The following DPYD variants were observed in gnomAD, a reference collection of about 807,000 sequenced individuals.
The protein encoded by DPYD is dihydropyrimidine dehydrogenase, also known as dihydropyrimidine dehydrogenase [NADP(+)].
In DPYD, 109 loss-of-function variants were observed where a neutral mutation model predicts 116.2. The observed-to-expected ratio is 0.94, with a 90% confidence interval of 0.80 to 1.10. The LOEUF (loss-of-function observed/expected upper bound fraction) is 1.10. Among genes scored for constraint, DPYD ranks in the 50% least tolerant of loss-of-function variants. The probability of loss-of-function intolerance (pLI) is 0.00; values close to 1 mark genes in which losing one functional copy is unlikely to be tolerated. For missense variants in DPYD, 1,302 were observed against 1,254.5 expected, an observed-to-expected ratio of 1.04 and a Z score of -0.57; for synonymous variants, 440 against 432.0, an observed-to-expected ratio of 1.02 and a Z score of -0.23.
intron 5 of DPYD, among the ~76,000 whole-genome samples, chr1:97,704,469 T>C (rs1661787974): frequency 6.6e-6 from 1 of 152,024 alleles, no homozygotes; most frequent in Non-Finnish European, 1.5e-5. Flanking sequence ...AATAAAAGTT[T>C]ACAAAAGTTA....
chr1:97,707,847 G>A (rs1399494891), intron 5 of DPYD, among the ~76,000 whole-genome samples: 2 of 151,888 alleles, frequency 1.3e-5, no homozygotes, highest in Admixed American at 1.3e-4. Flanking sequence ...TTTTTTAAAT[G>A]GGTTGTTTTC....
chr1:97,822,548 T>C (rs1179771900), intron 3 of DPYD, among the ~76,000 whole-genome samples: 1 of 151,900 alleles, frequency 6.6e-6, no homozygotes, highest in Non-Finnish European at 1.5e-5. Context: ...ATATTATGCA[T>C]AATTTCTATG....
chr1:97,089,133 G>A (rs556887921), intron 21 of DPYD, among the ~76,000 whole-genome samples: 39 of 152,274 alleles, frequency 2.6e-4, no homozygotes, highest in African/African-American at 9.4e-4. Flanking sequence ...TCTCTTACTA[G>A]AAGCAGCAGG....
intron 8 of DPYD, among the ~76,000 whole-genome samples, chr1:97,673,540 C>G (rs1659984608): frequency 6.6e-6 from 1 of 152,162 alleles, no homozygotes; most frequent in East Asian, 1.9e-4. Flanking sequence ...GTACCCGCCA[C>G]TTTGCTAGGC....
At chr1:97,762,195 A>C (rs1330086163) in intron 3 of DPYD, among the ~76,000 whole-genome samples, 1 of 152,200 alleles carries the variant, frequency 6.6e-6, no homozygotes, top group Non-Finnish European at 1.5e-5. Context: ...ATTGAAATGA[A>C]AAAGTAAAAG....
intron 20 of DPYD, among the ~76,000 whole-genome samples, chr1:97,129,354 C>T (rs1653099489): frequency 6.6e-6 from 1 of 152,042 alleles, no homozygotes; most frequent in African/African-American, 2.4e-5. Flanking sequence ...GTGTGAGCCA[C>T]CACACCCGGT....
rs996229874 is a variant in DPYD at position 97,912,748 on chromosome 1, C to T, written c.39+8136G>A. ...ACAGGAATGAACATTTTGTGGTGAA[C>T]GGTAACACACGTTACCCCTAGAGAT... On this transcript the variant is annotated intron_variant, in intron 1 of 22. Coordinates refer to ENST00000370192, the MANE Select transcript of DPYD (RefSeq NM_000110.4). Among the ~76,000 whole-genome samples, 3 of 152,102 alleles carry T rather than the reference C, an allele frequency of 2.0e-5. No individual in the cohort carries two copies. The East Asian group carries it at 5.8e-4, about 29-fold the overall frequency.
intron 13 of DPYD, among the ~76,000 whole-genome samples, chr1:97,463,105 C>A (rs1677113233): frequency 6.6e-6 from 1 of 152,172 alleles, no homozygotes; most frequent in Admixed American, 6.5e-5. Flanking sequence ...GTATATCTTG[C>A]ATGTAATGAT....
intron 22 of DPYD, among the ~76,000 whole-genome samples, chr1:97,079,900 T>G (rs1226160478): frequency 1.3e-5 from 2 of 151,994 alleles, no homozygotes; most frequent in East Asian, 3.9e-4. Context: ...CCTTCCTCTC[T>G]TTTTCTTTCC....
At chr1:97,584,894 A>C (rs1016042458) in intron 10 of DPYD, among the ~76,000 whole-genome samples, 2 of 151,166 alleles carry the variant, frequency 1.3e-5, no homozygotes, top group Non-Finnish European at 2.9e-5. Context: ...GCACATGTAT[A>C]CATATGTAAC....
intron 12 of DPYD, among the ~76,000 whole-genome samples, chr1:97,549,322 C>T (rs1238806886): frequency 2.0e-5 from 3 of 152,090 alleles, no homozygotes; most frequent in African/African-American, 2.4e-5. Flanking sequence ...CTTCAGCCTC[C>T]AAAATTGCTG....
chr1:97,385,726 G>T (rs1231956057), intron 14 of DPYD, among the ~76,000 whole-genome samples: 1 of 152,052 alleles, frequency 6.6e-6, no homozygotes, highest in South Asian at 2.1e-4. Flanking sequence ...TTTCTCGTGG[G>T]CTGAATCTAG....
At chr1:97,696,780 C>T (rs1661330305) in intron 6 of DPYD, among the ~76,000 whole-genome samples, 1 of 152,102 alleles carries the variant, frequency 6.6e-6, no homozygotes, top group Non-Finnish European at 1.5e-5. Flanking sequence ...CAGAGGTATG[C>T]TTCAGTTTAT....
At chr1:97,818,825 C>T (rs1406237994) in intron 3 of DPYD, among the ~76,000 whole-genome samples, 1 of 151,708 alleles carries the variant, frequency 6.6e-6, no homozygotes, top group Non-Finnish European at 1.5e-5. Flanking sequence ...ACAAAATGTA[C>T]ATGAAACTAA....
intron 15 of DPYD, among the ~76,000 whole-genome samples, chr1:97,381,723 C>A (rs1671979877): frequency 6.6e-6 from 1 of 152,124 alleles, no homozygotes; most frequent in African/African-American, 2.4e-5. Flanking sequence ...TTTCAAGGAA[C>A]CCCAGCTAAG....
At chr1:97,362,212 A>G (rs1399368350) in intron 16 of DPYD, among the ~76,000 whole-genome samples, 1 of 152,176 alleles carries the variant, frequency 6.6e-6, no homozygotes, top group African/African-American at 2.4e-5. Flanking sequence ...CGATTGCTAC[A>G]GAGAATAAAA....
intron 11 of DPYD, among the ~76,000 whole-genome samples, chr1:97,557,663 A>C (rs2102120725): frequency 6.6e-6 from 1 of 152,256 alleles, no homozygotes; most frequent in South Asian, 2.1e-4. Flanking sequence ...ATCTTAGTAT[A>C]ATCCATGAAT....
intron 19 of DPYD, among the ~76,000 whole-genome samples, chr1:97,206,389 C>T (rs1049247559): frequency 6.6e-6 from 1 of 151,670 alleles, no homozygotes; most frequent in African/African-American, 2.4e-5. Context: ...ACATGTAGCA[C>T]CACATTGAAA....
At chr1:97,139,060 G>A (rs555388676) in intron 20 of DPYD, among the ~76,000 whole-genome samples, 32 of 152,152 alleles carry the variant, frequency 2.1e-4, no homozygotes, top group Non-Finnish European at 4.4e-4. Context: ...CGAAAAAGAA[G>A]TCTGCCAGAA....
Sources: allele counts gnomAD v4.1 joint callset (sites outside exome capture counted in the v4.1 genomes callset), GRCh38; gene constraint gnomAD v4.1.1; transcripts MANE v1.5; gene names NCBI Gene and HGNC (gene_info 2026-07-23, HGNC 2026-07-21).